Variants in GRM5 observed in about 807,000 individuals in gnomAD.
GRM5 encodes metabotropic glutamate receptor 5.
In GRM5, 19 loss-of-function variants were observed where a neutral mutation model predicts 83.1. The ratio of observed to expected loss-of-function variants is 0.23; its 90% CI spans 0.16 to 0.34. The LOEUF is 0.34. GRM5 is among the 10% of genes least tolerant of loss of function. GRM5 has a pLI of 1.00. For missense variants in GRM5, 1,160 were observed against 1,588.3 expected (o/e 0.73, Z 4.58); for synonymous variants, 675 against 633.6 (o/e 1.07, Z -0.98).
chr11:88,574,322 A>G (rs1272271567), intron 7 of GRM5, among the ~76,000 whole-genome samples: 1 of 152,196 alleles, frequency 6.6e-6, no homozygotes. Context: ...GTCCCAAGTT[A>G]CAGAACTATT....
chr11:88,885,992 T>C lies in GRM5; in HGVS notation c.662-35837A>G, dbSNP rs181408866. 1.2e-4 allele frequency among the ~76,000 whole-genome samples: 19 copies of C among 152,260 alleles called. No individual in the cohort carries two copies. In the East Asian group the frequency reaches 3.5e-3, roughly 28 times the overall value. On this transcript the variant is annotated intron_variant, in intron 2 of 9. Transcript: ENST00000305447. ...TCAACTGGAAAGCCTATTTGCATAA[T>C]AAGATTAAGGTGGGGTGACCAGCCT... is the stretch of plus-strand genomic sequence containing the variant.
rs1426423412 is a variant in GRM5 at position 88,604,787 on chromosome 11, A to G, written c.1325T>C (p.Met442Thr). ...AGAAACCCCAGTAAAATTGGTTTTC[A>G]TCAGGGACTCCAAAAGTTTCCGTCC... Reference protein sequence around the residue: ...IDGRKLLESLMKTNFTGVSGD... With the variant: ...IDGRKLLESLTKTNFTGVSGD... The change falls in exon 5 of 10, where the codon ATG becomes ACG. Residue 442 changes from methionine (M) to threonine (T), a missense_variant. Met to Thr is a moderately conservative substitution (Grantham distance 81). Transcript: ENST00000305447. The G allele has an allele frequency of 3.1e-6, 5 of 1,613,268 alleles. No homozygotes were observed. Among genetic ancestry groups the G allele is most frequent in the Non-Finnish European group, 4.2e-6 (5 of 1,179,208 alleles).
At chr11:88,996,439 T>C (rs1319000681) in intron 2 of GRM5, among the ~76,000 whole-genome samples, 1 of 152,184 alleles carries the variant, frequency 6.6e-6, no homozygotes, top group Non-Finnish European at 1.5e-5. Context: ...TGATGATACA[T>C]CAGGTCATTA....
At chr11:89,058,665 G>T (rs1215996539) in intron 1 of GRM5, among the ~76,000 whole-genome samples, 1 of 152,032 alleles carries the variant, frequency 6.6e-6, no homozygotes, top group Admixed American at 6.6e-5. Context: ...TTGTTGAAAA[G>T]GTAGAAATTT....
At chr11:88,985,111 C>T (rs1939661799) in intron 2 of GRM5, among the ~76,000 whole-genome samples, 1 of 152,090 alleles carries the variant, frequency 6.6e-6, no homozygotes, top group South Asian at 2.1e-4. Flanking sequence ...TGCCATTCCA[C>T]TCTCACACCC....
At chr11:88,652,748 ACACT>A (rs1213629811) in intron 4 of GRM5, among the ~76,000 whole-genome samples, 1 of 152,076 alleles carries the variant, frequency 6.6e-6, no homozygotes, top group Non-Finnish European at 1.5e-5. Flanking sequence ...CTGTCCTTCA[ACACT>A]CATGTATTCA....
chr11:88,646,896 C>CAAA (rs143740677), intron 4 of GRM5, among the ~76,000 whole-genome samples: 17,665 of 139,738 alleles, frequency 0.13, 1,362 homozygotes, highest in Non-Finnish European at 0.18. Context: ...GTTGCCATTA[C>CAAA]AAAAAAAAAA....
intron 2 of GRM5, among the ~76,000 whole-genome samples, chr11:89,003,276 G>A (rs559478335): frequency 3.3e-5 from 5 of 152,110 alleles, no homozygotes; most frequent in South Asian, 2.1e-4. Flanking sequence ...ACGGATAACC[G>A]CAGTACAATA....
intron 2 of GRM5, among the ~76,000 whole-genome samples, chr11:88,939,175 C>T (rs1246626756): frequency 6.6e-6 from 1 of 151,648 alleles, no homozygotes; most frequent in Non-Finnish European, 1.5e-5. Flanking sequence ...CTTGAGATCA[C>T]CAAATATATA....
At chr11:88,799,230 A>T (rs2135484258) in intron 3 of GRM5, among the ~76,000 whole-genome samples, 1 of 152,258 alleles carries the variant, frequency 6.6e-6, no homozygotes, top group Admixed American at 6.5e-5. Flanking sequence ...TATGAAAATT[A>T]GATTTGCATT....
At chr11:88,706,113 T>G (rs2135378865) in intron 3 of GRM5, among the ~76,000 whole-genome samples, 1 of 152,192 alleles carries the variant, frequency 6.6e-6, no homozygotes, top group Admixed American at 6.6e-5. Flanking sequence ...TCCCAAATCC[T>G]GTGCTTCTTG....
intron 7 of GRM5, among the ~76,000 whole-genome samples, chr11:88,570,893 A>T (rs961696656): frequency 1.3e-5 from 2 of 151,888 alleles, no homozygotes; most frequent in Non-Finnish European, 2.9e-5. Context: ...ATTTTATATT[A>T]GTTCATTTAT....
intron 2 of GRM5, among the ~76,000 whole-genome samples, chr11:88,852,431 A>G (rs1427307081): frequency 6.6e-6 from 1 of 152,054 alleles, no homozygotes; most frequent in East Asian, 1.9e-4. Flanking sequence ...AATTGAACCT[A>G]CTGAAATTAT....
At chr11:88,720,821 C>CAT (rs1941519176) in intron 3 of GRM5, among the ~76,000 whole-genome samples, 1 of 137,148 alleles carries the variant, frequency 7.3e-6, no homozygotes, top group African/African-American at 2.7e-5. Context: ...TGTGTGTGTG[C>CAT]GTGTGTGTGT....
chr11:88,728,352 A>C (rs1207004710), intron 3 of GRM5, among the ~76,000 whole-genome samples: 1 of 152,184 alleles, frequency 6.6e-6, no homozygotes, highest in Non-Finnish European at 1.5e-5. Context: ...GAATAGACTA[A>C]TAACAAGTTC....
At chr11:88,722,684 A>G (rs754996228) in intron 3 of GRM5, among the ~76,000 whole-genome samples, 1 of 152,162 alleles carries the variant, frequency 6.6e-6, no homozygotes, top group African/African-American at 2.4e-5. Flanking sequence ...ATTCATGGCT[A>G]TGCTATAATT....
intron 2 of GRM5, among the ~76,000 whole-genome samples, chr11:88,925,128 C>T (rs755668887): frequency 1.4e-4 from 22 of 151,810 alleles, no homozygotes; most frequent in Admixed American, 6.6e-5. Context: ...AAGAAATGAT[C>T]GATTGGCCTC....
chr11:88,817,216 G>A (rs1224674400), intron 3 of GRM5, among the ~76,000 whole-genome samples: 1 of 151,984 alleles, frequency 6.6e-6, no homozygotes, highest in East Asian at 1.9e-4. Flanking sequence ...AAACACATAT[G>A]GATATTTTAC....
At chr11:88,537,585 G>A (rs905645) in intron 8 of GRM5, among the ~76,000 whole-genome samples, 16,311 of 152,220 alleles carry the variant, frequency 0.11, 1,211 homozygotes, top group Non-Finnish European at 0.16. Flanking sequence ...CTTTAGGTTA[G>A]AGGGAAACAG....
Sources: gnomAD v4.1 joint callset for allele counts (sites outside exome capture counted in the v4.1 genomes callset) on GRCh38, gnomAD v4.1.1 for gene constraint, MANE v1.5 for transcripts, NCBI Gene and HGNC (gene_info 2026-07-23, HGNC 2026-07-21) for gene names.